Variants in LNX2 observed in about 807,000 individuals in gnomAD.
LNX2 encodes ligand of numb-protein X 2, also known as ligand of Numb protein X 2.
Under a neutral mutation model 66.2 loss-of-function variants are expected in LNX2, and 35 were observed. That is an observed-to-expected ratio of 0.53 (90% CI 0.40 to 0.70). The LOEUF (loss-of-function observed/expected upper bound fraction) is 0.70, where lower values mean the gene tolerates loss of function less well. Among genes scored for constraint, LNX2 ranks in the 30% least tolerant of loss-of-function variants. LNX2 has a pLI of 0.00. For synonymous variants in LNX2, 337 were observed against 315.6 expected (o/e 1.07, Z -0.72); for missense variants, 791 against 850.8 (o/e 0.93, Z 0.87).
At chr13:27,554,149 T>C (rs774128207) in intron 7 of LNX2, among the ~76,000 whole-genome samples, 1 of 152,198 alleles carries the variant, frequency 6.6e-6, no homozygotes, top group African/African-American at 2.4e-5. Flanking sequence ...TTTTTCAGAT[T>C]ATTAAAGCAA....
At position 27,546,107 on chromosome 13, in the gene LNX2, ACT is replaced by A. The variant is rs2138296942; in HGVS notation, c.*2226_*2227del. 1 of 152,288 alleles carries A rather than the reference ACT, an allele frequency of 6.6e-6. No individual in the cohort carries two copies. The highest frequency in any genetic ancestry group is 1.9e-4 in the East Asian group (1 of 5,184). The allele number at this position is 152,288 out of a possible 1,614,324, so 9.4% of individuals were successfully genotyped here. Reference sequence around the variant, plus strand: ...GAACAAGTTTCCGTCACCAAATATCACTCTGACCAAAAATGACTGTCTTTTGT... The same window carrying A: ...GAACAAGTTTCCGTCACCAAATATCACTGACCAAAAATGACTGTCTTTTGT... On this transcript the variant is annotated 3_prime_UTR_variant, in exon 10 of 10. Coordinates refer to ENST00000316334, the MANE Select transcript of LNX2 (RefSeq NM_153371.4).
chr13:27,565,810 T>C (rs1466808190), intron 4 of LNX2, among the ~76,000 whole-genome samples: 1 of 152,180 alleles, frequency 6.6e-6, no homozygotes, highest in African/African-American at 2.4e-5. Context: ...TAATACACCA[T>C]GAAAAGCAGC....
At chr13:27,582,155 G>A (rs986811727) in intron 1 of LNX2, among the ~76,000 whole-genome samples, 2 of 151,838 alleles carry the variant, frequency 1.3e-5, no homozygotes, top group African/African-American at 2.4e-5. Flanking sequence ...TCAGCCTCCC[G>A]AGTAGCTGGT....
At chr13:27,559,819 T>TAAAA in intron 6 of LNX2, 23 bp downstream of exon 6, 2 of 1,333,106 alleles carry the variant, frequency 1.5e-6, no homozygotes, top group Admixed American at 2.5e-5. Flanking sequence ...GATGGTGGCA[T>TAAAA]AAAAAAAAAA....
chr13:27,583,191 T>TGCGCGCGC (rs1955423720), intron 1 of LNX2, among the ~76,000 whole-genome samples: 1 of 9,398 alleles, frequency 1.1e-4, no homozygotes, highest in Admixed American at 1.5e-3. Context: ...TGTGTGTGTG[T>TGCGCGCGC]GTGTGTGTGT....
intron 9 of LNX2, among the ~76,000 whole-genome samples, chr13:27,548,908 C>T (rs1396563049): frequency 6.6e-6 from 1 of 152,172 alleles, no homozygotes; most frequent in Non-Finnish European, 1.5e-5. Flanking sequence ...TTGACGCTCA[C>T]TGTACTCTAA....
chr13:27,566,720 G>A (rs1955210218), intron 4 of LNX2, among the ~76,000 whole-genome samples: 1 of 152,168 alleles, frequency 6.6e-6, no homozygotes. Context: ...GAAGTAGGGG[G>A]TAGATATCAA....
rs201652797 is a variant in LNX2 at position 27,550,317 on chromosome 13, T to C, written c.1937+16A>G. On this transcript the variant is annotated intron_variant, in intron 9 of 9. Coordinates refer to ENST00000316334, the MANE Select transcript of LNX2 (RefSeq NM_153371.4). The stretch of plus-strand genomic sequence containing the variant: ...TCATCAACATGAATCACATCATTAA[T>C]TAGAACAAGACTCACTTTAATCTTC... 5.5e-4 allele frequency: 886 copies of C among 1,606,604 alleles called. 9 individuals carry two copies. Among genetic ancestry groups the C allele is most frequent in the Admixed American group, 1.5e-4 (9 of 59,312 alleles).
chr13:27,617,302 T>C (rs1314559320), intron 1 of LNX2, among the ~76,000 whole-genome samples: 2 of 152,218 alleles, frequency 1.3e-5, no homozygotes, highest in African/African-American at 4.8e-5. Context: ...TATTACTTTT[T>C]CAAACAACAC....
intron 2 of LNX2, 152 bp from the exon 3 acceptor site, chr13:27,569,428 C>T (rs973765187): frequency 2.7e-6 from 2 of 738,324 alleles, no homozygotes. Flanking sequence ...TCTCCACTCA[C>T]ACTAAGTTCT....
At chr13:27,611,129 C>T (rs1436211997) in intron 1 of LNX2, among the ~76,000 whole-genome samples, 1 of 152,228 alleles carries the variant, frequency 6.6e-6, no homozygotes, top group Non-Finnish European at 1.5e-5. Flanking sequence ...GAATTCAAAG[C>T]AGGGTCTCAA....
At position 27,548,208 on chromosome 13, in the gene LNX2, T is replaced by C. The variant is rs190420480; in HGVS notation, c.*127A>G. 3 of 751,444 alleles carry C rather than the reference T, an allele frequency of 4.0e-6. No homozygotes were observed. The African/African-American group carries it at 5.2e-5, about 13-fold the overall frequency. The allele number at this position is 751,444 out of a possible 1,614,324, so 46.5% of individuals were successfully genotyped here. ...AATAAACATAAACGGACAATCTTAG[T>C]GGGTTTTGGCCCTGTGTATACCAGC... On this transcript the variant is annotated 3_prime_UTR_variant, in exon 10 of 10. Transcript: ENST00000316334.
In LNX2 at chr13:27,562,762, C is replaced by A. The variant is rs1455574038; in HGVS notation, c.875G>T (p.Ser292Ile). ...TCGGGCATAGTTATGGGACACATTG[C>A]TGATATTGTAGTTGTTGACCTAGAA... is the stretch of plus-strand genomic sequence containing the variant. The part of the protein sequence containing the change: ...QILQVNNYNI[S>I]NVSHNYARAV... The change falls in exon 5 of 10, where the codon AGC becomes ATC. Residue 292 changes from serine (S) to isoleucine (I), a missense_variant. Physicochemically the swap from Ser to Ile is moderately radical, Grantham distance 142. Transcript: ENST00000316334. 4 of 1,610,844 alleles carry A rather than the reference C, an allele frequency of 2.5e-6. No individual in the cohort carries two copies. Among genetic ancestry groups the A allele is most frequent in the Non-Finnish European group, 3.4e-6 (4 of 1,177,890 alleles).
chr13:27,560,822 T>C (rs913541312), intron 5 of LNX2, among the ~76,000 whole-genome samples: 1 of 152,096 alleles, frequency 6.6e-6, no homozygotes, highest in Non-Finnish European at 1.5e-5. Flanking sequence ...TGGGAAAATA[T>C]GATAGCCTGC....
chr13:27,574,286 A>G (rs1452097891), intron 2 of LNX2, among the ~76,000 whole-genome samples: 1 of 152,162 alleles, frequency 6.6e-6, no homozygotes, highest in African/African-American at 2.4e-5. Context: ...CTCTACTAAA[A>G]ATACAAAATT....
At chr13:27,586,888 T>C (rs531932916) in intron 1 of LNX2, among the ~76,000 whole-genome samples, 4 of 152,188 alleles carry the variant, frequency 2.6e-5, no homozygotes, top group Non-Finnish European at 5.9e-5. Context: ...GCCAGTGCAA[T>C]AGGAAGGGAG....
chr13:27,588,374 A>C (rs375797445), intron 1 of LNX2, among the ~76,000 whole-genome samples: 1 of 152,220 alleles, frequency 6.6e-6, no homozygotes, highest in African/African-American at 2.4e-5. Context: ...TATGAACAAC[A>C]ACCTCTATGA....
intron 1 of LNX2, among the ~76,000 whole-genome samples, chr13:27,600,501 T>C (rs1955645483): frequency 6.6e-6 from 1 of 152,086 alleles, no homozygotes; most frequent in East Asian, 1.9e-4. Flanking sequence ...AATTACTCAG[T>C]AGGTAAAGAA....
At chr13:27,575,715 AT>A (rs1193173685) in intron 2 of LNX2, among the ~76,000 whole-genome samples, 1 of 152,134 alleles carries the variant, frequency 6.6e-6, no homozygotes, top group Non-Finnish European at 1.5e-5. Context: ...CCAACTCCTC[AT>A]ATATTGGTTC....
Sources: gnomAD v4.1 joint callset for allele counts (sites outside exome capture counted in the v4.1 genomes callset) on GRCh38, gnomAD v4.1.1 for gene constraint, MANE v1.5 for transcripts, NCBI Gene and HGNC (gene_info 2026-07-23, HGNC 2026-07-21) for gene names.